Variants in GRID2IP observed in about 807,000 individuals in gnomAD.
The protein encoded by GRID2IP is Grid2 interacting protein, also known as delphilin.
Under a neutral mutation model 114.3 loss-of-function variants are expected in GRID2IP, and 78 were observed. The observed-to-expected ratio is 0.68, with a 90% CI of 0.57 to 0.82. The LOEUF (loss-of-function observed/expected upper bound fraction) is 0.82, where lower values mean the gene tolerates loss of function less well. Among genes scored for constraint, GRID2IP ranks in the 40% least tolerant of loss-of-function variants. The pLI, the probability that GRID2IP is intolerant of heterozygous loss-of-function variation, is 0.00. For synonymous variants in GRID2IP, 809 were observed against 724.0 expected (o/e 1.12, Z -1.89); for missense variants, 1,727 against 1,678.5 (o/e 1.03, Z -0.51).
rs770874802 is a variant in GRID2IP, at chr7:6,521,911, G to A, written c.966C>T (p.Leu322=). The change falls in exon 5 of 22, where the codon CTC becomes CTT. Residue 322 remains leucine, a synonymous_variant. Coordinates refer to ENST00000457091, the MANE Select transcript of GRID2IP (RefSeq NM_001145118.2). This position sits in a 1 kb window ranked among gnomAD's most constrained non-coding sequence, Gnocchi z 4.1. ...ACCTCATGTCCAGTCCATTGAGGAA[G>A]AGGATCCGGTCACCTGACTTGAGGG... ...NAALKSGDRI[L]FLNGLDMRNC... The A allele has an allele frequency of 6.4e-6, 10 of 1,551,552 alleles. No homozygotes were observed. The highest frequency in any genetic ancestry group is 8.7e-6 in the Non-Finnish European group (10 of 1,146,876).
At chr7:6,540,461 C>T (rs995222977) in intron 1 of GRID2IP, among the ~76,000 whole-genome samples, 11 of 151,750 alleles carry the variant, frequency 7.2e-5, no homozygotes, top group African/African-American at 1.9e-4. Context: ...AGGGCCTGGT[C>T]GCATGGTTAG....
chr7:6,520,259 T>A lies in GRID2IP; in HGVS notation c.1268+319A>T, dbSNP rs905061212. On this transcript the variant is annotated intron_variant, in intron 7 of 21. Coordinates refer to ENST00000457091, the MANE Select transcript of GRID2IP (RefSeq NM_001145118.2). This position sits in a 1 kb window ranked among gnomAD's most constrained non-coding sequence, Gnocchi z 4.6. ...GTGAGCCAAGATCTCATCATTGCACTCCAGCTGGGTGATAGAGCGAGACTC... is the reference window on the plus strand; with the variant it reads ...GTGAGCCAAGATCTCATCATTGCACACCAGCTGGGTGATAGAGCGAGACTC... 2.1e-4 allele frequency among the ~76,000 whole-genome samples: 32 copies of A among 151,190 alleles called. No homozygotes were observed. Among genetic ancestry groups the A allele is most frequent in the African/African-American group, 7.8e-4 (32 of 41,018 alleles).
At chr7:6,530,623 G>C (rs1470620645) in intron 2 of GRID2IP, among the ~76,000 whole-genome samples, 1 of 151,866 alleles carries the variant, frequency 6.6e-6, no homozygotes, top group Non-Finnish European at 1.5e-5. Flanking sequence ...CAGCGAAATG[G>C]TGGCAAGGGG....
rs552194722 is a variant in GRID2IP at position 6,509,428 on chromosome 7, T to A, written c.1772-115A>T. Reference sequence around the variant, plus strand: ...CTCTGTGTCCCAGGCCACTCTCCTTTCCCTCTCTGGGCACAGTGCAGGAAG... The same window carrying A: ...CTCTGTGTCCCAGGCCACTCTCCTTACCCTCTCTGGGCACAGTGCAGGAAG... On this transcript the variant is annotated intron_variant, in intron 11 of 21. Transcript: ENST00000457091. The surrounding 1 kb of genome is among the most constrained non-coding windows in gnomAD (Gnocchi z 4.9). 2 of 946,688 alleles carry A rather than the reference T, an allele frequency of 2.1e-6. No individual in the cohort carries two copies. The highest frequency in any genetic ancestry group is 3.0e-6 in the Non-Finnish European group (2 of 671,354). The allele number at this position is 946,688 out of a possible 1,614,324, so 58.6% of individuals were successfully genotyped here. A position where few individuals can be genotyped will look rare whatever the true frequency, so the allele number is the denominator to read the frequency against.
chr7:6,509,951 C>T lies in GRID2IP; in HGVS notation c.1771+332G>A, dbSNP rs546206761. ...TCAAGTGATCCTCCCGCCTCAGCCTCTTGAGGAGTTGGGACTACAGGCATA... is the reference window on the plus strand; with the variant it reads ...TCAAGTGATCCTCCCGCCTCAGCCTTTTGAGGAGTTGGGACTACAGGCATA... On this transcript the variant is annotated intron_variant, in intron 11 of 21. Coordinates refer to ENST00000457091, the MANE Select transcript of GRID2IP (RefSeq NM_001145118.2). This position sits in a 1 kb window ranked among gnomAD's most constrained non-coding sequence, Gnocchi z 4.9. Among the ~76,000 whole-genome samples the T allele has an allele frequency of 1.3e-5, 2 of 152,294 alleles. No individual in the cohort carries two copies. Among genetic ancestry groups the T allele is most frequent in the African/African-American group, 4.8e-5 (2 of 41,566 alleles).
intron 8 of GRID2IP, among the ~76,000 whole-genome samples, chr7:6,512,636 G>A (rs1163461930): frequency 1.3e-5 from 2 of 151,496 alleles, no homozygotes; most frequent in South Asian, 2.1e-4. Flanking sequence ...TCAGCCTCCC[G>A]AGTAGTTGGA....
chr7:6,524,756 G>A (rs372703371), intron 4 of GRID2IP, among the ~76,000 whole-genome samples: 58 of 151,290 alleles, frequency 3.8e-4, no homozygotes, highest in African/African-American at 1.2e-3. Context: ...TCACTCTGTC[G>A]CCCAGGCTGG....
rs1278022051 is a variant in GRID2IP, at chr7:6,551,185, A to G, written c.252T>C (p.Ala84=). The change falls in exon 1 of 22, where the codon GCT becomes GCC. Residue 84 remains alanine (A), a synonymous_variant. Transcript: ENST00000457091. ...RVPPSLGVLP[A]PDGGPGPGSG... is the part of the protein sequence containing the mutation. ...ATCCTGGGCCGGGGCCACCGTCGGG[A>G]GCCGGGAGCACGCCCAGACTGGGCG... is the stretch of plus-strand genomic sequence containing the variant. 16 of 1,390,788 alleles carry G rather than the reference A, an allele frequency of 1.2e-5. No homozygotes were observed. Among genetic ancestry groups the G allele is most frequent in the Non-Finnish European group, 1.5e-5 (16 of 1,082,032 alleles). The allele number at this position is 1,390,788 out of a possible 1,614,324, so 86.2% of individuals were successfully genotyped here.
rs1186249752 is a variant in GRID2IP at position 6,521,524 on chromosome 7, C to T, written c.990-1G>A. ...CACCACCTTGTCGTGGGAGCAGTTCCTGCCAAGCAGAGATGGCCCAGGAGG... is the reference window on the plus strand; with the variant it reads ...CACCACCTTGTCGTGGGAGCAGTTCTTGCCAAGCAGAGATGGCCCAGGAGG... On this transcript the variant is annotated splice_acceptor_variant, in intron 5 of 21. Coordinates refer to ENST00000457091, the MANE Select transcript of GRID2IP (RefSeq NM_001145118.2). LOFTEE classifies it high-confidence loss of function. The surrounding 1 kb of genome is among the most constrained non-coding windows in gnomAD (Gnocchi z 4.1). The T allele has an allele frequency of 1.3e-6, 2 of 1,542,182 alleles. No individual in the cohort carries two copies. Among genetic ancestry groups the T allele is most frequent in the South Asian group, 1.2e-5 (1 of 82,700 alleles).
Position 6,521,782 on chromosome 7 carries a change from G to A in GRID2IP, c.989+106C>T. On this transcript the variant is annotated intron_variant, in intron 5 of 21. Transcript: ENST00000457091. The surrounding 1 kb of genome is among the most constrained non-coding windows in gnomAD (Gnocchi z 4.1). ...AGGGACAGACCCTGGGGACCAAATG[G>A]TGAGAGGAGATTGTGATCACAGCCT... 1.2e-6 allele frequency: 1 copy of A among 862,108 alleles called. No individual in the cohort carries two copies. The allele number at this position is 862,108 out of a possible 1,614,324, so 53.4% of individuals were successfully genotyped here.
At chr7:6,550,978 C>A in intron 1 of GRID2IP, 30 bp downstream of exon 1, 1 of 862,326 alleles carries the variant, frequency 1.2e-6, no homozygotes, top group Non-Finnish European at 1.5e-6. Context: ...CCCCTCCTTC[C>A]CGCCCCCACC....
chr7:6,498,307 C>A, intron 20 of GRID2IP, 79 bp from the exon 21 acceptor site: 1 of 1,354,068 alleles, frequency 7.4e-7, no homozygotes, highest in South Asian at 1.5e-5. Flanking sequence ...AGACAGGTCC[C>A]TAGCAGCCCT....
chr7:6,536,991 G>A lies in GRID2IP; in HGVS notation c.584+2727C>T. The stretch of plus-strand genomic sequence containing the variant: ...CCCAGAGGGAGGGGCAGGCTGCGGG[G>A]TGAATGGCAGCAAGGGGAGGGGGCG... On this transcript the variant is annotated intron_variant, in intron 2 of 21. Transcript: ENST00000457091. The surrounding 1 kb of genome is among the most constrained non-coding windows in gnomAD (Gnocchi z 5.3). 1 of 344,658 alleles carries A rather than the reference G, an allele frequency of 2.9e-6. No individual in the cohort carries two copies. The highest frequency in any genetic ancestry group is 5.4e-6 in the Non-Finnish European group (1 of 183,770). 21.3% of individuals were successfully genotyped at this position (344,658 alleles called of 1,614,324 possible). A position where few individuals can be genotyped will look rare whatever the true frequency, so the allele number is the denominator to read the frequency against.
chr7:6,500,140 C>T (rs1786370662), intron 20 of GRID2IP, among the ~76,000 whole-genome samples: 1 of 152,076 alleles, frequency 6.6e-6, no homozygotes, highest in African/African-American at 2.4e-5. Flanking sequence ...CTAACCCTTA[C>T]CTAAACAGCC....
At chr7:6,544,455 G>A (rs1387424553) in intron 1 of GRID2IP, among the ~76,000 whole-genome samples, 3 of 150,596 alleles carry the variant, frequency 2.0e-5, no homozygotes, top group Non-Finnish European at 3.0e-5. Context: ...AATGTTTTGT[G>A]TTTTTAGTAG....
chr7:6,516,727 G>A lies in GRID2IP; in HGVS notation c.1269-2198C>T, dbSNP rs191591967. On this transcript the variant is annotated intron_variant, in intron 7 of 21. Coordinates refer to ENST00000457091, the MANE Select transcript of GRID2IP (RefSeq NM_001145118.2). The surrounding 1 kb of genome is among the most constrained non-coding windows in gnomAD (Gnocchi z 4.3). ...CATTCATGTTCTGCCCTGTGCACTCGGCTCCACCTTCTAGATAGCAGCAGC... is the reference window on the plus strand; with the variant it reads ...CATTCATGTTCTGCCCTGTGCACTCAGCTCCACCTTCTAGATAGCAGCAGC... Among the ~76,000 whole-genome samples, 6 of 152,280 alleles carry A rather than the reference G, an allele frequency of 3.9e-5. No individual in the cohort carries two copies. The highest frequency in any genetic ancestry group is 1.2e-4 in the African/African-American group (5 of 41,562).
At chr7:6,515,830 G>A (rs1034356361) in intron 7 of GRID2IP, among the ~76,000 whole-genome samples, 2 of 152,044 alleles carry the variant, frequency 1.3e-5, no homozygotes, top group Non-Finnish European at 2.9e-5. Context: ...TGGGGGTGGT[G>A]GCTCACGCCT....
chr7:6,529,382 C>G (rs1006651752), intron 2 of GRID2IP, among the ~76,000 whole-genome samples: 2 of 152,056 alleles, frequency 1.3e-5, no homozygotes, highest in Non-Finnish European at 2.9e-5. Context: ...ACCGGGGAGA[C>G]AGAGGTTGCA....
At position 6,521,903 on chromosome 7, in the gene GRID2IP, T is replaced by C. The variant is rs1332315635; in HGVS notation, c.974A>G (p.Asn325Ser). The change falls in exon 5 of 22, where the codon AAT (asparagine) becomes AGT (serine). Residue 325 changes from asparagine to serine, a missense_variant. Asn to Ser is a conservative substitution (Grantham distance 46, BLOSUM62 1). Transcript: ENST00000457091. The surrounding 1 kb of genome is among the most constrained non-coding windows in gnomAD (Gnocchi z 4.1). The part of the protein sequence containing the change: ...LKSGDRILFL[N>S]GLDMRNCSHD... ...AGCCTCTGACCTCATGTCCAGTCCA[T>C]TGAGGAAGAGGATCCGGTCACCTGA... is the stretch of plus-strand genomic sequence containing the variant. 13 of 1,550,370 alleles carry C rather than the reference T, an allele frequency of 8.4e-6. No homozygotes were observed. Among genetic ancestry groups the C allele is most frequent in the Non-Finnish European group, 1.0e-5 (12 of 1,146,134 alleles).
Sources: allele counts gnomAD v4.1 joint callset (sites outside exome capture counted in the v4.1 genomes callset), GRCh38; gene constraint gnomAD v4.1.1; non-coding constraint Gnocchi (gnomAD v3.1); transcripts MANE v1.5; gene names NCBI Gene and HGNC (gene_info 2026-07-23, HGNC 2026-07-21).